The following ADAT1 variants were observed in gnomAD, a reference collection of about 807,000 sequenced individuals.
ADAT1 encodes tRNA-specific adenosine deaminase 1.
In ADAT1, 58 loss-of-function variants were observed where a neutral mutation model predicts 58.6. That is an observed-to-expected ratio of 0.99 (90% CI 0.80 to 1.23). The LOEUF is 1.23. ADAT1 is among the 50% of genes most tolerant of loss of function. The probability of loss-of-function intolerance (pLI) is 0.00; values close to 1 mark genes in which losing one functional copy is unlikely to be tolerated. For synonymous variants in ADAT1, 254 were observed against 220.8 expected (o/e 1.15, Z -1.33); for missense variants, 741 against 608.6 (o/e 1.22, Z -2.29).
At chr16:75,618,781 CATGA>C (rs1286258299) in intron 3 of ADAT1, 141 bp from the exon 4 acceptor site, 1 of 925,352 alleles carries the variant, frequency 1.1e-6, no homozygotes, top group East Asian at 2.6e-5. Context: ...GTACCACAAT[CATGA>C]ATAACAATGC....
In ADAT1 at chr16:75,598,230, A is replaced by G. The variant is rs1432960769; in HGVS notation, c.*1986T>C. The G allele has an allele frequency of 5.8e-6, 2 of 347,000 alleles. No individual in the cohort carries two copies. The highest frequency in any genetic ancestry group is 2.0e-5 in the South Asian group (1 of 48,818). 21.5% of individuals were successfully genotyped at this position (347,000 alleles called of 1,614,324 possible). Reference sequence around the variant, plus strand: ...TAGTTGGGACTATAGGCGTGCGCCAATACACCTGGCTAATTTTTGTATTTT... The same window carrying G: ...TAGTTGGGACTATAGGCGTGCGCCAGTACACCTGGCTAATTTTTGTATTTT... On this transcript the variant is annotated 3_prime_UTR_variant, in exon 10 of 10. Coordinates refer to ENST00000564657, the MANE Select transcript of ADAT1 (RefSeq NM_001324445.2).
At chr16:75,618,521 A>G in intron 4 of ADAT1, 65 bp downstream of exon 4, 1 of 1,280,002 alleles carries the variant, frequency 7.8e-7, no homozygotes, top group Non-Finnish European at 1.1e-6. Context: ...AAAAAAAAAA[A>G]AAAAGTAAAT....
At chr16:75,619,588 T>G in intron 3 of ADAT1, 1 of 455,010 alleles carries the variant, frequency 2.2e-6, no homozygotes, top group Non-Finnish European at 4.4e-6. Context: ...AATTTTCATA[T>G]TCTTGTTGAG....
At chr16:75,600,593 T>TCAG (rs2081201108) in intron 9 of ADAT1, among the ~76,000 whole-genome samples, 1 of 152,196 alleles carries the variant, frequency 6.6e-6, no homozygotes, top group Non-Finnish European at 1.5e-5. Flanking sequence ...AAGAATGCAT[T>TCAG]CTCTGCAAGC....
chr16:75,604,134 T>A (rs531512640), intron 8 of ADAT1, among the ~76,000 whole-genome samples: 74 of 151,830 alleles, frequency 4.9e-4, no homozygotes, highest in Non-Finnish European at 4.4e-5. Flanking sequence ...AGAAGAACAA[T>A]GTAATTAGGG....
chr16:75,620,701 T>A lies in ADAT1; in HGVS notation c.99A>T (p.Leu33Phe), dbSNP rs770664031. ...ATTGTATCTTCACCACCGCTGCCAA[T>A]AATGTCCACTCATGGTTTGGCTCAG... ...GKPEPNHEWT[L>F]LAAVVKIQSP... is the part of the protein sequence containing the mutation. The change falls in exon 2 of 10, where the codon TTA (leucine) becomes TTT (phenylalanine). Residue 33 changes from leucine (L) to phenylalanine (F), a missense_variant. Physicochemically the swap from Leu to Phe is conservative, Grantham distance 22. Coordinates refer to ENST00000564657, the MANE Select transcript of ADAT1 (RefSeq NM_001324445.2). The A allele has an allele frequency of 6.8e-6, 11 of 1,614,048 alleles. No homozygotes were observed. Among genetic ancestry groups the A allele is most frequent in the Non-Finnish European group, 9.3e-6 (11 of 1,180,052 alleles).
chr16:75,614,838 C>T (rs1289310856), intron 5 of ADAT1, among the ~76,000 whole-genome samples: 2 of 152,178 alleles, frequency 1.3e-5, no homozygotes, highest in Non-Finnish European at 2.9e-5. Context: ...GAGGACATCA[C>T]ATTTTAAAAG....
Position 75,612,428 on chromosome 16 carries a change from C to A in ADAT1, c.858G>T (p.Val286=), listed in dbSNP as rs901477418. 6.2e-7 allele frequency: 1 copy of A among 1,614,138 alleles called. No homozygotes were observed. The highest frequency in any genetic ancestry group is 8.5e-7 in the Non-Finnish European group (1 of 1,180,060). The change falls in exon 6 of 10, where the codon GTG becomes GTT. Residue 286 remains valine, a synonymous_variant. Coordinates refer to ENST00000564657, the MANE Select transcript of ADAT1 (RefSeq NM_001324445.2). ...AAFHQVGLLR[V]KPGRGDRTRS... is the part of the protein sequence containing the mutation. ...GTGTTCTGTCTCCACGGCCTGGCTT[C>A]ACTCGGAGCAGCCCCACCTGGTGAA...
chr16:75,602,922 C>A (rs879245222), intron 9 of ADAT1, among the ~76,000 whole-genome samples, 163 bp downstream of exon 9: 1 of 152,170 alleles, frequency 6.6e-6, no homozygotes, highest in Non-Finnish European at 1.5e-5. Context: ...AGATCATGCA[C>A]GTATCTGCAA....
chr16:75,601,234 G>A (rs1209453029), intron 9 of ADAT1, among the ~76,000 whole-genome samples: 3 of 151,874 alleles, frequency 2.0e-5, no homozygotes, highest in African/African-American at 7.3e-5. Flanking sequence ...CAGCTACCTG[G>A]GAGGCTGAGG....
At chr16:75,600,429 C>G in intron 9 of ADAT1, 81 bp from the exon 10 acceptor site, 1 of 1,569,894 alleles carries the variant, frequency 6.4e-7, no homozygotes, top group Non-Finnish European at 8.6e-7. Flanking sequence ...GAGCAAGCAA[C>G]TGGACAGACT....
In ADAT1 at chr16:75,599,328, T is replaced by A; in HGVS notation, c.*888A>T. On this transcript the variant is annotated 3_prime_UTR_variant, in exon 10 of 10. Transcript: ENST00000564657. Reference sequence around the variant, plus strand: ...AACTCCTGACCTCAAGTGATCTGCCTGCCTGGGCTTCCCAAAGTGCTGGGA... The same window carrying A: ...AACTCCTGACCTCAAGTGATCTGCCAGCCTGGGCTTCCCAAAGTGCTGGGA... The A allele has an allele frequency of 2.1e-6, 2 of 974,538 alleles. No individual in the cohort carries two copies. The highest frequency in any genetic ancestry group is 2.4e-6 in the Non-Finnish European group (2 of 819,842). 60.4% of individuals were successfully genotyped at this position (974,538 alleles called of 1,614,324 possible). A position where few individuals can be genotyped will look rare whatever the true frequency, so the allele number is the denominator to read the frequency against.
rs148286658 is a variant in ADAT1, at chr16:75,606,174, G to T, written c.1289+2050C>A. On this transcript the variant is annotated intron_variant, in intron 8 of 9. Transcript: ENST00000564657. ...TACAATTATTATTCTAGTGATAATGGTAAGGTTAGTGTTTTTATCTAGCAA... is the reference window on the plus strand; with the variant it reads ...TACAATTATTATTCTAGTGATAATGTTAAGGTTAGTGTTTTTATCTAGCAA... Among the ~76,000 whole-genome samples, 56 of 152,136 alleles carry T rather than the reference G, an allele frequency of 3.7e-4. No individual in the cohort carries two copies. The East Asian group carries it at 0.011, about 29-fold the overall frequency.
Position 75,612,973 on chromosome 16 carries a change from T to G in ADAT1, c.425-112A>C, listed in dbSNP as rs2081595180. The G allele has an allele frequency of 2.3e-6, 3 of 1,322,222 alleles. No homozygotes were observed. The African/African-American group carries it at 4.4e-5, about 20-fold the overall frequency. The allele number at this position is 1,322,222 out of a possible 1,614,324, so 81.9% of individuals were successfully genotyped here. Reference sequence around the variant, plus strand: ...AAATGCAAACTCTTGGGACCCACAGTAGACCTGCTGAATCAGAAACTCCGG... The same window carrying G: ...AAATGCAAACTCTTGGGACCCACAGGAGACCTGCTGAATCAGAAACTCCGG... On this transcript the variant is annotated intron_variant, in intron 5 of 9. Transcript: ENST00000564657.
chr16:75,613,738 T>C (rs1224970911), intron 5 of ADAT1, among the ~76,000 whole-genome samples: 1 of 152,132 alleles, frequency 6.6e-6, no homozygotes, highest in Admixed American at 6.5e-5. Context: ...AGTATGAAAA[T>C]AAAGAATGTC....
At chr16:75,607,432 G>A (rs964168177) in intron 8 of ADAT1, among the ~76,000 whole-genome samples, 4 of 151,736 alleles carry the variant, frequency 2.6e-5, no homozygotes, top group Non-Finnish European at 5.9e-5. Flanking sequence ...AACCCCAGGG[G>A]CGGAGGTTGC....
rs375117547 is a variant in ADAT1, at chr16:75,608,189, C to T, written c.1289+35G>A. ...TAGATAGTGGTAGAGTGTGAGTTCA[C>T]AGCCACCATCTCCTCCTGCCCCAAT... On this transcript the variant is annotated intron_variant, in intron 8 of 9. Coordinates refer to ENST00000564657, the MANE Select transcript of ADAT1 (RefSeq NM_001324445.2). 5.1e-6 allele frequency: 8 copies of T among 1,566,778 alleles called. No individual in the cohort carries two copies. The Admixed American group carries it at 8.4e-5, about 16-fold the overall frequency.
chr16:75,609,030 A>G, intron 6 of ADAT1, 42 bp from the exon 7 acceptor site: 2 of 1,610,594 alleles, frequency 1.2e-6, no homozygotes. Context: ...GTGCATGCCT[A>G]GAGAAAACAG....
intron 3 of ADAT1, among the ~76,000 whole-genome samples, chr16:75,619,248 C>T (rs12596857): frequency 0.24 from 37,000 of 152,056 alleles, 6,504 homozygotes; most frequent in East Asian, 0.76. Flanking sequence ...CGGCCAGGGA[C>T]GCAATAGCTC....
Sources: gnomAD v4.1 joint callset for allele counts (sites outside exome capture counted in the v4.1 genomes callset) on GRCh38, gnomAD v4.1.1 for gene constraint, MANE v1.5 for transcripts, NCBI Gene and HGNC (gene_info 2026-07-23, HGNC 2026-07-21) for gene names.